The following PPP2CB variants were observed in gnomAD, a reference collection of about 807,000 sequenced individuals.
The protein encoded by PPP2CB is serine/threonine-protein phosphatase 2A catalytic subunit beta isoform.
A neutral mutation model predicts 39.1 loss-of-function variants in PPP2CB; 18 were observed. That is an observed-to-expected ratio of 0.46 (90% confidence interval 0.32 to 0.68). PPP2CB has a LOEUF of 0.68. Among genes scored for constraint, PPP2CB ranks in the 30% least tolerant of loss-of-function variants. PPP2CB has a pLI of 0.04. For synonymous variants in PPP2CB, 129 were observed against 133.8 expected (o/e 0.96, Z 0.25); for missense variants, 226 against 396.9 (o/e 0.57, Z 3.66).
chr8:30,800,975 G>T (rs974072073), intron 1 of PPP2CB, among the ~76,000 whole-genome samples: 1 of 152,002 alleles, frequency 6.6e-6, no homozygotes, highest in African/African-American at 2.4e-5. Flanking sequence ...GGGAGGCCGA[G>T]GGGGGAGGAT....
At position 30,795,140 on chromosome 8, in the gene PPP2CB, G is replaced by A. The variant is rs868618141; in HGVS notation, c.487-859C>T. On this transcript the variant is annotated intron_variant, in intron 3 of 6. Transcript: ENST00000221138. The stretch of plus-strand genomic sequence containing the variant: ...TTTGATTTTTTTTTTTTTTTTTTTT[G>A]AGACGGAGTTTCGCTCTTGTTGCCC... 6.4e-3 allele frequency among the ~76,000 whole-genome samples: 250 copies of A among 38,944 alleles called. 1 individual carries two copies. The highest frequency in any genetic ancestry group is 0.025 in the African/African-American group (242 of 9,808). The allele number at this position is 38,944 out of a possible 152,430, so 25.5% of individuals were successfully genotyped here.
chr8:30,796,382 T>C (rs973854933), intron 3 of PPP2CB, among the ~76,000 whole-genome samples: 2 of 152,134 alleles, frequency 1.3e-5, no homozygotes, highest in African/African-American at 2.4e-5. Context: ...GTTTTATATT[T>C]ATTTATTTTA....
At chr8:30,809,780 T>C (rs1373149663) in intron 1 of PPP2CB, among the ~76,000 whole-genome samples, 2 of 151,440 alleles carry the variant, frequency 1.3e-5, no homozygotes, top group Non-Finnish European at 2.9e-5. Flanking sequence ...ATAAAAAAAA[T>C]AAAAAAATTA....
intron 3 of PPP2CB, among the ~76,000 whole-genome samples, chr8:30,794,949 A>T (rs895278705): frequency 6.6e-6 from 1 of 152,174 alleles, no homozygotes; most frequent in Admixed American, 6.5e-5. Flanking sequence ...ATACGTTTTA[A>T]TTCTTTTTAT....
chr8:30,812,489 C>T lies in PPP2CB; in HGVS notation c.-68G>A. The T allele has an allele frequency of 2.6e-6, 3 of 1,163,888 alleles. No individual in the cohort carries two copies. The highest frequency in any genetic ancestry group is 1.7e-5 in the South Asian group (1 of 57,392). 72.1% of individuals were successfully genotyped at this position (1,163,888 alleles called of 1,614,324 possible). A position where few individuals can be genotyped will look rare whatever the true frequency, so the allele number is the denominator to read the frequency against. ...GCCGCCCTCCCCCCTCCCCACCCGC[C>T]CCCGGCCCCGGCCCGGGCGCCGCTC... On this transcript the variant is annotated 5_prime_UTR_variant, in exon 1 of 7. Coordinates refer to ENST00000221138, the MANE Select transcript of PPP2CB (RefSeq NM_001009552.2).
chr8:30,811,386 C>CA (rs1227346822), intron 1 of PPP2CB, among the ~76,000 whole-genome samples: 1 of 152,122 alleles, frequency 6.6e-6, no homozygotes. Flanking sequence ...AAGAGCCACT[C>CA]AACACAAAGA....
chr8:30,791,957 T>C (rs1006283821), intron 5 of PPP2CB, among the ~76,000 whole-genome samples: 1 of 138,920 alleles, frequency 7.2e-6, no homozygotes, highest in Admixed American at 7.2e-5. Context: ...TGTGCGCATA[T>C]ATGTATACGT....
At chr8:30,796,818 A>G (rs906333548) in intron 3 of PPP2CB, among the ~76,000 whole-genome samples, 11 of 152,350 alleles carry the variant, frequency 7.2e-5, no homozygotes, top group Admixed American at 2.0e-4. Flanking sequence ...TACTTGTTAC[A>G]GCAAATGCAG....
At chr8:30,790,903 A>C in intron 6 of PPP2CB, 1 of 243,704 alleles carries the variant, frequency 4.1e-6, no homozygotes. Flanking sequence ...ATCTGGGAGG[A>C]GTTGGAGGGG....
chr8:30,792,829 CAGGCTAAAATTTT>C (rs1474131140), intron 5 of PPP2CB, among the ~76,000 whole-genome samples: 2 of 152,100 alleles, frequency 1.3e-5, no homozygotes, highest in Non-Finnish European at 2.9e-5. Flanking sequence ...GAGTCTCTTT[CAGGCTAAAATTTT>C]AGTCTCTTTC....
intron 5 of PPP2CB, among the ~76,000 whole-genome samples, chr8:30,792,008 A>G (rs1806444760): frequency 6.7e-6 from 1 of 150,002 alleles, no homozygotes; most frequent in African/African-American, 2.5e-5. Context: ...ATGTATACAC[A>G]CATACATGTG....
At chr8:30,794,943 G>A (rs909296586) in intron 3 of PPP2CB, among the ~76,000 whole-genome samples, 8 of 151,944 alleles carry the variant, frequency 5.3e-5, no homozygotes, top group South Asian at 2.1e-4. Context: ...ATGTTTATAC[G>A]TTTTAATTCT....
intron 6 of PPP2CB, among the ~76,000 whole-genome samples, chr8:30,788,523 T>C (rs1806380338): frequency 6.6e-6 from 1 of 152,256 alleles, no homozygotes. Context: ...GTGTTGGGAT[T>C]ACTTGTGTGA....
intron 2 of PPP2CB, among the ~76,000 whole-genome samples, chr8:30,798,951 T>A (rs1468649315): frequency 6.6e-6 from 1 of 152,116 alleles, no homozygotes; most frequent in African/African-American, 2.4e-5. Flanking sequence ...GAGCACTGAA[T>A]AAGAAGAAAC....
At chr8:30,794,561 TTTC>T (rs1806488883) in intron 3 of PPP2CB, 2 of 323,220 alleles carry the variant, frequency 6.2e-6, no homozygotes, top group South Asian at 4.0e-5. Flanking sequence ...AATTTCTTTC[TTTC>T]TTTTTTTTCT....
At position 30,797,620 on chromosome 8, in the gene PPP2CB, G is replaced by A. The variant is rs1806548426; in HGVS notation, c.447C>T (p.Leu149=). ...NANVWKYFTD[L]FDYLPLTALV... is the part of the protein sequence containing the mutation. Reference sequence around the variant, plus strand: ...AAGCTGTAAGTGGAAGATAATCAAAGAGATCTGTAAAATATTTCCAAACGT... The same window carrying A: ...AAGCTGTAAGTGGAAGATAATCAAAAAGATCTGTAAAATATTTCCAAACGT... Residue 149 remains leucine (L), a synonymous_variant, in exon 3 of 7, where the codon CTC becomes CTT. Transcript: ENST00000221138. 2.5e-6 allele frequency: 4 copies of A among 1,613,796 alleles called. No individual in the cohort carries two copies. In the South Asian group the frequency reaches 4.4e-5, roughly 18 times the overall value.
chr8:30,809,771 TA>T (rs925288236), intron 1 of PPP2CB, among the ~76,000 whole-genome samples: 6 of 151,662 alleles, frequency 4.0e-5, no homozygotes, highest in African/African-American at 1.5e-4. Context: ...TGAGACCCCA[TA>T]AAAAAAATAA....
intron 5 of PPP2CB, among the ~76,000 whole-genome samples, chr8:30,792,532 C>T (rs1010105797): frequency 5.3e-5 from 8 of 152,110 alleles, no homozygotes; most frequent in Middle Eastern, 3.2e-3. Flanking sequence ...CAGCCTCAAC[C>T]TCCTGGCCTC....
At position 30,791,183 on chromosome 8, in the gene PPP2CB, T is replaced by G; in HGVS notation, c.857+14A>C. ...TTCTGAAAGTATATACAATTAAAATTTACAGTTACTCACAAGGAATATTTT... is the reference window on the plus strand; with the variant it reads ...TTCTGAAAGTATATACAATTAAAATGTACAGTTACTCACAAGGAATATTTT... On this transcript the variant is annotated intron_variant, in intron 6 of 6. Transcript: ENST00000221138. The G allele has an allele frequency of 6.6e-7, 1 of 1,515,548 alleles. No individual in the cohort carries two copies. Among genetic ancestry groups the G allele is most frequent in the East Asian group, 2.3e-5 (1 of 44,108 alleles). The allele number at this position is 1,515,548 out of a possible 1,614,324, so 93.9% of individuals were successfully genotyped here. A position where few individuals can be genotyped will look rare whatever the true frequency, so the allele number is the denominator to read the frequency against.
Sources: gnomAD v4.1 joint callset for allele counts (sites outside exome capture counted in the v4.1 genomes callset) on GRCh38, gnomAD v4.1.1 for gene constraint, MANE v1.5 for transcripts, NCBI Gene and HGNC (gene_info 2026-07-23, HGNC 2026-07-21) for gene names.